IFT88: variants seen among roughly 807,000 people sequenced by gnomAD.
IFT88 encodes the protein intraflagellar transport protein 88 homolog.
Under a neutral mutation model 119.5 loss-of-function variants are expected in IFT88, and 74 were observed. That is an observed-to-expected ratio of 0.62 (90% CI 0.51 to 0.75). IFT88 has a LOEUF of 0.75. Ranked by LOEUF, IFT88 falls within the 30% of genes least tolerant of loss-of-function variation. IFT88 has a pLI of 0.00. For missense variants in IFT88, 961 were observed against 977.7 expected, an observed-to-expected ratio of 0.98 and a Z score of 0.23; for synonymous variants, 279 against 316.7, an observed-to-expected ratio of 0.88 and a Z score of 1.26.
At chr13:20,659,651 T>C (rs1490145885) in intron 22 of IFT88, among the ~76,000 whole-genome samples, 1 of 146,560 alleles carries the variant, frequency 6.8e-6, no homozygotes, top group Non-Finnish European at 1.5e-5. Context: ...TTATGGTCTT[T>C]TTTTTTTTTT....
rs2058426058 is a variant in IFT88, at chr13:20,691,078, G to A, written c.2378G>A (p.Gly793Asp). 1 of 1,613,850 alleles carries A rather than the reference G, an allele frequency of 6.2e-7. No homozygotes were observed. The highest frequency in any genetic ancestry group is 1.1e-5 in the South Asian group (1 of 91,050). Residue 793 changes from glycine to aspartate, a missense_variant, in exon 26 of 26, where the codon GGC becomes GAC. By Grantham distance (94) the Gly-to-Asp change is moderately conservative. Coordinates refer to ENST00000351808, the MANE Select transcript of IFT88 (RefSeq NM_006531.5). Reference sequence around the variant, plus strand: ...GATGCCTCCTATGTGGACCCACTTGGCCCTCAAATAGAACGACCAAAAACT... The same window carrying A: ...GATGCCTCCTATGTGGACCCACTTGACCCTCAAATAGAACGACCAAAAACT... ...EIDASYVDPL[G>D]PQIERPKTAA...
intron 24 of IFT88, among the ~76,000 whole-genome samples, chr13:20,680,930 C>T (rs150962331): frequency 1.6e-4 from 25 of 152,266 alleles, no homozygotes; most frequent in African/African-American, 3.9e-4. Flanking sequence ...TGGTAGATGC[C>T]GTTCAGCTGC....
At chr13:20,669,314 C>G (rs1163334441) in intron 23 of IFT88, among the ~76,000 whole-genome samples, 19 of 152,308 alleles carry the variant, frequency 1.2e-4, no homozygotes, top group African/African-American at 4.1e-4. Context: ...CTTACCTTCG[C>G]ATATCCTGTT....
intron 13 of IFT88, among the ~76,000 whole-genome samples, chr13:20,605,712 C>T (rs2043322208): frequency 1.3e-5 from 2 of 152,192 alleles, no homozygotes; most frequent in South Asian, 4.1e-4. Context: ...AAGCCTGGGC[C>T]TCCTGAACTC....
At chr13:20,690,984 AG>A (rs1224242684) in intron 25 of IFT88, 69 bp from the exon 26 acceptor site, 1 of 1,563,522 alleles carries the variant, frequency 6.4e-7, no homozygotes. Context: ...TTTGACTATG[AG>A]CCTGATTGGT....
chr13:20,641,201 A>G (rs2049897238), intron 17 of IFT88, 89 bp from the exon 18 acceptor site: 1 of 764,494 alleles, frequency 1.3e-6, no homozygotes, highest in Non-Finnish European at 2.1e-6. Flanking sequence ...AAATATTTTC[A>G]TATATTTTGA....
chr13:20,602,469 T>C (rs769762813), intron 12 of IFT88, among the ~76,000 whole-genome samples: 2 of 152,144 alleles, frequency 1.3e-5, no homozygotes, highest in Non-Finnish European at 2.9e-5. Flanking sequence ...CTTTCCAAAG[T>C]GCTGGGATTA....
At chr13:20,646,329 G>A (rs1033891357) in intron 20 of IFT88, among the ~76,000 whole-genome samples, 1 of 149,882 alleles carries the variant, frequency 6.7e-6, no homozygotes, top group Non-Finnish European at 1.5e-5. Context: ...AGAGGACGGA[G>A]TCTTGCTTTG....
intron 17 of IFT88, among the ~76,000 whole-genome samples, chr13:20,640,571 AAAATAAATAAATAAAT>A (rs57789982): frequency 7.6e-5 from 11 of 144,298 alleles, no homozygotes; most frequent in East Asian, 4.0e-4. Context: ...ACTCCGTCTC[AAAATAAATAAATAAAT>A]AAATAAATAA....
In IFT88 at chr13:20,614,817, C is replaced by CTTTTTT. The variant is rs762297940; in HGVS notation, c.1113-965_1113-960dup. ...ATGATTTGGAAAGATTATTTCTTTT[C>CTTTTTT]TTTTTTTTTTTTTTTTGAGACGGAG... On this transcript the variant is annotated intron_variant, in intron 13 of 25. Coordinates refer to ENST00000351808, the MANE Select transcript of IFT88 (RefSeq NM_006531.5). Among the ~76,000 whole-genome samples, 50 of 125,852 alleles carry CTTTTTT rather than the reference C, an allele frequency of 4.0e-4. 1 individual carries two copies. The highest frequency in any genetic ancestry group is 1.8e-3 in the South Asian group (7 of 3,810). 82.6% of individuals were successfully genotyped at this position (125,852 alleles called of 152,430 possible).
intron 3 of IFT88, 145 bp downstream of exon 3, chr13:20,583,164 G>T: frequency 1.9e-6 from 1 of 523,858 alleles, no homozygotes; most frequent in Non-Finnish European, 3.4e-6. Flanking sequence ...CAGATCTTCA[G>T]AAGTTTTTCA....
chr13:20,670,523 C>A (rs888888073), intron 23 of IFT88, among the ~76,000 whole-genome samples: 1 of 94,986 alleles, frequency 1.1e-5, no homozygotes, highest in Non-Finnish European at 2.1e-5. Flanking sequence ...CTCAGCTTAC[C>A]TTTTTTTTTT....
At position 20,671,288 on chromosome 13, in the gene IFT88, A is replaced by G. The variant is rs186352298; in HGVS notation, c.2242+249A>G. ...TAGTTGATTAATAAACAAGTTTTTC[A>G]TTTATTAATCTCTCAGGTTGGACAG... On this transcript the variant is annotated intron_variant, in intron 24 of 25. Transcript: ENST00000351808. Among the ~76,000 whole-genome samples, 686 of 152,332 alleles carry G rather than the reference A, an allele frequency of 4.5e-3. 2 individuals are homozygous for G. The highest frequency in any genetic ancestry group is 7.1e-3 in the Non-Finnish European group (486 of 68,026).
intron 14 of IFT88, among the ~76,000 whole-genome samples, chr13:20,624,706 C>T (rs180899310): frequency 6.6e-6 from 1 of 152,072 alleles, no homozygotes; most frequent in Non-Finnish European, 1.5e-5. Flanking sequence ...TAGTTCAGTC[C>T]ATCATACTGT....
chr13:20,567,460 G>C lies in IFT88; in HGVS notation c.-7+204G>C, dbSNP rs555586613. Among the ~76,000 whole-genome samples the C allele has an allele frequency of 2.6e-3, 400 of 152,372 alleles. 1 individual carries two copies. The highest frequency in any genetic ancestry group is 4.0e-3 in the Non-Finnish European group (273 of 68,040). On this transcript the variant is annotated intron_variant, in intron 1 of 25. Transcript: ENST00000351808. ...CTCAGGCTCCCGAGTTGTCTACTCA[G>C]AAACGCGGGCGTTGTTTCTCACATC...
At chr13:20,678,783 T>C (rs1156656328) in intron 24 of IFT88, among the ~76,000 whole-genome samples, 2 of 152,030 alleles carry the variant, frequency 1.3e-5, no homozygotes, top group Non-Finnish European at 2.9e-5. Context: ...CCTTTTCGTT[T>C]TTGCAAAGCG....
At chr13:20,652,339 A>G (rs1218019722) in intron 20 of IFT88, among the ~76,000 whole-genome samples, 1 of 152,216 alleles carries the variant, frequency 6.6e-6, no homozygotes, top group Non-Finnish European at 1.5e-5. Flanking sequence ...TCAGCTCTTA[A>G]TAAAAGGATA....
intron 24 of IFT88, among the ~76,000 whole-genome samples, chr13:20,676,931 TCATA>T (rs1054079672): frequency 5.3e-5 from 8 of 152,134 alleles, no homozygotes; most frequent in African/African-American, 1.9e-4. Context: ...ACGTGTGTGC[TCATA>T]CATACAAACA....
At chr13:20,674,749 A>T (rs533927526) in intron 24 of IFT88, among the ~76,000 whole-genome samples, 2 of 105,848 alleles carry the variant, frequency 1.9e-5, no homozygotes, top group Non-Finnish European at 3.5e-5. Context: ...TTTTTTTGAG[A>T]CAGAGTCTTG....
Sources: gnomAD v4.1 joint callset for allele counts (sites outside exome capture counted in the v4.1 genomes callset) on GRCh38, gnomAD v4.1.1 for gene constraint, MANE v1.5 for transcripts, NCBI Gene and HGNC (gene_info 2026-07-23, HGNC 2026-07-21) for gene names.